RGS6: variants seen among roughly 807,000 people sequenced by gnomAD.
RGS6 encodes regulator of G-protein signaling 6.
In RGS6, 30 loss-of-function variants were observed where a neutral mutation model predicts 78.5. That is an observed-to-expected ratio of 0.38 (90% CI 0.29 to 0.52). The LOEUF is 0.52. Ranked by LOEUF, RGS6 falls within the 20% of genes least tolerant of loss-of-function variation. The pLI is 0.85. For missense variants in RGS6, 495 were observed against 609.7 expected (o/e 0.81, Z 1.98); for synonymous variants, 206 against 206.0 (o/e 1.00, Z 0.00).
At chr14:71,940,068 A>G (rs1211262841) in intron 1 of RGS6, among the ~76,000 whole-genome samples, 1 of 152,150 alleles carries the variant, frequency 6.6e-6, no homozygotes, top group Non-Finnish European at 1.5e-5. Context: ...GACACACTAT[A>G]AGCTGGACCT....
At chr14:72,360,026 C>T (rs1310066591) in intron 3 of RGS6, among the ~76,000 whole-genome samples, 1 of 150,784 alleles carries the variant, frequency 6.6e-6, no homozygotes, top group Non-Finnish European at 1.5e-5. Flanking sequence ...TACGTTAGGT[C>T]AGAACAGGTA....
intron 2 of RGS6, among the ~76,000 whole-genome samples, chr14:72,142,453 C>G (rs564110106): frequency 6.6e-6 from 1 of 152,296 alleles, no homozygotes; most frequent in East Asian, 1.9e-4. Context: ...TGCGTCATTG[C>G]TTCGCCAGGC....
intron 1 of RGS6, among the ~76,000 whole-genome samples, chr14:71,953,242 C>G (rs2092495685): frequency 6.6e-6 from 1 of 152,098 alleles, no homozygotes; most frequent in African/African-American, 2.4e-5. Flanking sequence ...CCTCTGAAAA[C>G]CAAAGGCTTG....
intron 3 of RGS6, among the ~76,000 whole-genome samples, chr14:72,450,271 G>A (rs2095460626): frequency 6.6e-6 from 1 of 151,980 alleles, no homozygotes; most frequent in Non-Finnish European, 1.5e-5. Context: ...TTGCATGAAT[G>A]AGCCATAATT....
chr14:72,522,773 T>G (rs1474734383), intron 15 of RGS6, among the ~76,000 whole-genome samples: 4 of 152,206 alleles, frequency 2.6e-5, no homozygotes, highest in Admixed American at 1.3e-4. Context: ...TCTGTAGATT[T>G]GAATCACAGA....
Position 72,003,583 on chromosome 14 carries a change from T to C in RGS6, c.84+38708T>C, listed in dbSNP as rs141648490. ...AAGATTTTGTTTAGTCTGTTTTTTT[T>C]CAGGGAAAGTTTATTTTTTAAGGGG... On this transcript the variant is annotated intron_variant, in intron 2 of 17. Transcript: ENST00000553525. 4.9e-3 allele frequency among the ~76,000 whole-genome samples: 744 copies of C among 152,318 alleles called. 8 individuals carry two copies. The highest frequency in any genetic ancestry group is 0.017 in the African/African-American group (707 of 41,566).
At chr14:72,539,975 C>G (rs948938361) in intron 16 of RGS6, 66 bp from the exon 17 acceptor site, 2 of 1,380,654 alleles carry the variant, frequency 1.4e-6, no homozygotes, top group Non-Finnish European at 1.9e-6. Context: ...GTTTGGGAAC[C>G]ACGTATAAGC....
chr14:71,975,931 G>T (rs529464135), intron 2 of RGS6, among the ~76,000 whole-genome samples: 3 of 152,002 alleles, frequency 2.0e-5, no homozygotes, highest in South Asian at 4.2e-4. Context: ...CTTCAACATG[G>T]ATATTTTCTA....
At chr14:72,510,403 C>A in intron 14 of RGS6, 124 bp downstream of exon 14, 3 of 1,256,438 alleles carry the variant, frequency 2.4e-6, no homozygotes, top group South Asian at 2.5e-5. Context: ...GCCAGCTAAT[C>A]TGGCTGAGGT....
At chr14:72,023,502 ATGTT>A (rs34758717) in intron 2 of RGS6, among the ~76,000 whole-genome samples, 12,246 of 152,252 alleles carry the variant, frequency 0.08, 534 homozygotes, top group East Asian at 0.17. Flanking sequence ...AGTTCTGAAA[ATGTT>A]TGCTCAAAAT....
chr14:71,985,242 G>C (rs1259276937), intron 2 of RGS6, among the ~76,000 whole-genome samples: 2 of 152,148 alleles, frequency 1.3e-5, no homozygotes, highest in African/African-American at 4.8e-5. Flanking sequence ...TCCTGCCTCA[G>C]CCTCCCGAGT....
intron 10 of RGS6, among the ~76,000 whole-genome samples, chr14:72,475,743 A>G (rs1370385357): frequency 1.3e-5 from 2 of 151,832 alleles, no homozygotes; most frequent in African/African-American, 2.4e-5. Context: ...AAAAAATTCC[A>G]AAGAGTGGAG....
At chr14:72,061,465 T>C (rs1348004141) in intron 2 of RGS6, among the ~76,000 whole-genome samples, 1 of 152,216 alleles carries the variant, frequency 6.6e-6, no homozygotes, top group Admixed American at 6.5e-5. Context: ...GCTGCTTAAC[T>C]GTACTCTTTA....
At chr14:72,409,624 T>G (rs1165763251) in intron 3 of RGS6, among the ~76,000 whole-genome samples, 1 of 152,190 alleles carries the variant, frequency 6.6e-6, no homozygotes, top group Admixed American at 6.5e-5. Context: ...GCAGGTTTGT[T>G]ACATATGTAT....
intron 2 of RGS6, among the ~76,000 whole-genome samples, chr14:72,301,515 A>C (rs189792266): frequency 6.6e-6 from 1 of 152,210 alleles, no homozygotes; most frequent in African/African-American, 2.4e-5. Context: ...CTCTCACCAC[A>C]TAGGAAACTA....
At chr14:72,191,601 C>T (rs951551378) in intron 2 of RGS6, among the ~76,000 whole-genome samples, 4 of 152,208 alleles carry the variant, frequency 2.6e-5, no homozygotes, top group Non-Finnish European at 5.9e-5. Context: ...ACCATCAGAT[C>T]TCATGATCTG....
intron 2 of RGS6, among the ~76,000 whole-genome samples, chr14:72,160,886 T>C (rs1313828782): frequency 6.6e-6 from 1 of 152,188 alleles, no homozygotes; most frequent in Non-Finnish European, 1.5e-5. Flanking sequence ...ACCAAACTAA[T>C]ACAACCACCT....
chr14:72,399,151 G>T (rs553145734), intron 3 of RGS6, among the ~76,000 whole-genome samples: 1 of 119,728 alleles, frequency 8.4e-6, no homozygotes, highest in South Asian at 2.6e-4. Flanking sequence ...TGACAGTGGG[G>T]TGTTAAAGTC....
At chr14:72,390,090 C>CTTTT (rs767640465) in intron 3 of RGS6, among the ~76,000 whole-genome samples, 131 of 117,390 alleles carry the variant, frequency 1.1e-3, no homozygotes, top group African/African-American at 4.0e-3. Context: ...AGCTATAGTT[C>CTTTT]TTTTTTTTTT....
Sources: allele counts gnomAD v4.1 joint callset (sites outside exome capture counted in the v4.1 genomes callset), GRCh38; gene constraint gnomAD v4.1.1; transcripts MANE v1.5; gene names NCBI Gene and HGNC (gene_info 2026-07-23, HGNC 2026-07-21).